The following PDE7B variants were observed in gnomAD, a reference collection of about 807,000 sequenced individuals.
PDE7B encodes the protein 3',5'-cyclic-AMP phosphodiesterase 7B.
A neutral mutation model predicts 56.2 loss-of-function variants in PDE7B; 29 were observed. The observed-to-expected ratio is 0.52, with a 90% CI of 0.38 to 0.70. The LOEUF (loss-of-function observed/expected upper bound fraction) is 0.70. Among genes scored for constraint, PDE7B ranks in the 30% least tolerant of loss-of-function variants. The probability of loss-of-function intolerance (pLI) is 0.00; values close to 1 mark genes in which losing one functional copy is unlikely to be tolerated. For missense variants in PDE7B, 490 were observed against 565.0 expected (o/e 0.87, Z 1.35); for synonymous variants, 197 against 196.9 (o/e 1.00, Z 0.00).
chr6:135,954,469 C>T (rs1330646942), intron 2 of PDE7B, among the ~76,000 whole-genome samples: 1 of 152,168 alleles, frequency 6.6e-6, no homozygotes. Flanking sequence ...AAGCACACTA[C>T]TCCAGGTTAC....
chr6:136,088,894 G>A (rs896556214), intron 2 of PDE7B, among the ~76,000 whole-genome samples: 1 of 151,972 alleles, frequency 6.6e-6, no homozygotes, highest in Non-Finnish European at 1.5e-5. Context: ...TTTGGCAGGG[G>A]GTGGAGGGGG....
chr6:135,911,514 C>A lies in PDE7B; in HGVS notation c.22-35950C>A, dbSNP rs150556697. 3.4e-3 allele frequency among the ~76,000 whole-genome samples: 524 copies of A among 152,296 alleles called. 16 individuals are homozygous for A. Among genetic ancestry groups the A allele is most frequent in the Admixed American group, 0.032 (486 of 15,302 alleles). On this transcript the variant is annotated intron_variant, in intron 1 of 12. Transcript: ENST00000308191. ...ACAATTTACAAAAGTTTATGGTAGACTTTAGATGCAAATCCTTGAGTTGAC... is the reference window on the plus strand; with the variant it reads ...ACAATTTACAAAAGTTTATGGTAGAATTTAGATGCAAATCCTTGAGTTGAC...
intron 1 of PDE7B, among the ~76,000 whole-genome samples, chr6:135,888,866 G>A (rs1190461144): frequency 1.3e-5 from 2 of 151,986 alleles, no homozygotes; most frequent in Non-Finnish European, 2.9e-5. Flanking sequence ...TCTACCACAA[G>A]CACATGCCCT....
intron 2 of PDE7B, among the ~76,000 whole-genome samples, chr6:135,975,336 C>T (rs1488941378): frequency 2.0e-5 from 3 of 152,128 alleles, no homozygotes; most frequent in South Asian, 4.1e-4. Flanking sequence ...AAAATATTCT[C>T]CTGCACTTCC....
rs141365815 is a variant in PDE7B at position 136,145,667 on chromosome 6, C to G, written c.167-1684C>G. 2.7e-4 allele frequency among the ~76,000 whole-genome samples: 41 copies of G among 152,242 alleles called. No individual in the cohort carries two copies. The East Asian group carries it at 5.4e-3, about 20-fold the overall frequency. On this transcript the variant is annotated intron_variant, in intron 3 of 12. Transcript: ENST00000308191. Reference sequence around the variant, plus strand: ...TTAATTTTAATGATCGCATCTTCCTCCCAGCAATACAATCTTCATGAAGCT... The same window carrying G: ...TTAATTTTAATGATCGCATCTTCCTGCCAGCAATACAATCTTCATGAAGCT...
intron 9 of PDE7B, among the ~76,000 whole-genome samples, chr6:136,176,162 T>C (rs1182218797): frequency 6.6e-6 from 1 of 152,092 alleles, no homozygotes; most frequent in African/African-American, 2.4e-5. Flanking sequence ...TAGAACTCTT[T>C]GTATATTAAC....
intron 2 of PDE7B, among the ~76,000 whole-genome samples, chr6:136,027,439 C>A (rs930629082): frequency 4.6e-5 from 7 of 152,102 alleles, no homozygotes; most frequent in Non-Finnish European, 1.0e-4. Flanking sequence ...TTTAAAAATT[C>A]TATCAAATAA....
At chr6:135,953,684 A>G (rs1015277599) in intron 2 of PDE7B, among the ~76,000 whole-genome samples, 4 of 152,124 alleles carry the variant, frequency 2.6e-5, no homozygotes, top group African/African-American at 9.7e-5. Flanking sequence ...GTAGATTTTA[A>G]ATATTAAATG....
At chr6:135,916,392 C>CTTTTTTTTTTTTTTT (rs566408380) in intron 1 of PDE7B, among the ~76,000 whole-genome samples, 22 of 96,338 alleles carry the variant, frequency 2.3e-4, no homozygotes, top group East Asian at 7.6e-4. Context: ...TCTTTTCTTT[C>CTTTTTTTTTTTTTTT]TTTTTTTTTT....
At position 135,986,173 on chromosome 6, in the gene PDE7B, G is replaced by T. The variant is rs570313651; in HGVS notation, c.82+38649G>T. ...ACTTGCCTTTTTTTGAGTATATGTG[G>T]GTAAGGCTCATTGATAGTGAGTGTG... On this transcript the variant is annotated intron_variant, in intron 2 of 12. Transcript: ENST00000308191. 2.0e-5 allele frequency among the ~76,000 whole-genome samples: 3 copies of T among 152,218 alleles called. No homozygotes were observed. In the East Asian group the frequency reaches 5.8e-4, roughly 29 times the overall value.
intron 3 of PDE7B, among the ~76,000 whole-genome samples, chr6:136,140,940 G>A (rs9389374): frequency 0.45 from 68,055 of 151,160 alleles, 15,920 homozygotes; most frequent in African/African-American, 0.59. Flanking sequence ...CTCTTTTCCT[G>A]ATTGAATACC....
chr6:135,956,542 G>T (rs1238560380), intron 2 of PDE7B, among the ~76,000 whole-genome samples: 1 of 152,126 alleles, frequency 6.6e-6, no homozygotes, highest in African/African-American at 2.4e-5. Flanking sequence ...ACTTTGGGAG[G>T]CCAAGGCAGG....
intron 2 of PDE7B, among the ~76,000 whole-genome samples, chr6:136,029,079 T>A (rs1776197140): frequency 6.6e-6 from 1 of 152,230 alleles, no homozygotes; most frequent in African/African-American, 2.4e-5. Context: ...GTTTTATAAG[T>A]AATAATTATC....
chr6:136,125,818 C>G (rs1458071591), intron 3 of PDE7B, among the ~76,000 whole-genome samples: 1 of 152,074 alleles, frequency 6.6e-6, no homozygotes, highest in Non-Finnish European at 1.5e-5. Flanking sequence ...ACCCATTACA[C>G]AACAGCCTTC....
At chr6:135,946,870 T>A (rs1000667309) in intron 1 of PDE7B, among the ~76,000 whole-genome samples, 1 of 152,078 alleles carries the variant, frequency 6.6e-6, no homozygotes, top group Non-Finnish European at 1.5e-5. Flanking sequence ...TCTGCAGGAA[T>A]TTGCCTTGCA....
chr6:136,019,460 A>G (rs965505644), intron 2 of PDE7B, among the ~76,000 whole-genome samples: 2 of 152,174 alleles, frequency 1.3e-5, no homozygotes, highest in African/African-American at 4.8e-5. Flanking sequence ...CACTGTAAAT[A>G]TGCAAGCCAC....
chr6:135,853,442 G>A (rs1774971463), intron 1 of PDE7B, among the ~76,000 whole-genome samples: 2 of 152,214 alleles, frequency 1.3e-5, no homozygotes. Context: ...ACGCATAACT[G>A]CAGCTCCTCC....
At chr6:135,981,149 G>T (rs1432780682) in intron 2 of PDE7B, among the ~76,000 whole-genome samples, 1 of 151,668 alleles carries the variant, frequency 6.6e-6, no homozygotes, top group African/African-American at 2.4e-5. Context: ...ATGGATGAAA[G>T]TGGAAATCAT....
intron 2 of PDE7B, among the ~76,000 whole-genome samples, chr6:135,965,271 G>A (rs77859131): frequency 0.013 from 2,042 of 152,304 alleles, 67 homozygotes; most frequent in African/African-American, 0.046. Flanking sequence ...TGAGGGTGCT[G>A]ATTTGAGAAG....
Sources: allele counts gnomAD v4.1 joint callset (sites outside exome capture counted in the v4.1 genomes callset), GRCh38; gene constraint gnomAD v4.1.1; transcripts MANE v1.5; gene names NCBI Gene and HGNC (gene_info 2026-07-23, HGNC 2026-07-21).